Variants in FBN2 observed in about 807,000 individuals in gnomAD.
The protein encoded by FBN2 is fibrillin 2.
In FBN2, 105 loss-of-function variants were observed where a neutral mutation model predicts 355.6. The ratio of observed to expected loss-of-function variants is 0.30; its 90% CI spans 0.25 to 0.35. FBN2 has a LOEUF of 0.35. FBN2 is among the 10% of genes least tolerant of loss of function. FBN2 has a pLI of 1.00. For missense variants in FBN2, 3,280 were observed against 3,758.7 expected (o/e 0.87, Z 3.33); for synonymous variants, 1,350 against 1,301.2 (o/e 1.04, Z -0.81).
At chr5:128,344,587 A>G in intron 24 of FBN2, 77 bp from the exon 25 acceptor site, 1 of 1,398,952 alleles carries the variant, frequency 7.1e-7, no homozygotes, top group Non-Finnish European at 1.0e-6. Context: ...TTAAAAATCT[A>G]TCATGATGGA....
At chr5:128,296,081 T>G (rs1474373109) in intron 48 of FBN2, among the ~76,000 whole-genome samples, 2 of 152,240 alleles carry the variant, frequency 1.3e-5, no homozygotes, top group Non-Finnish European at 2.9e-5. Context: ...CTTTTCTGCA[T>G]CTTTTGAGAT....
chr5:128,452,725 T>G (rs7731176), intron 6 of FBN2, among the ~76,000 whole-genome samples: 16,602 of 152,116 alleles, frequency 0.11, 1,067 homozygotes, highest in African/African-American at 0.17. Flanking sequence ...TGAACTTGCT[T>G]TTTCTTTTCA....
chr5:128,374,540 G>T (rs1752030897), intron 15 of FBN2, 88 bp downstream of exon 15: 1 of 1,541,138 alleles, frequency 6.5e-7, no homozygotes, highest in Non-Finnish European at 9.0e-7. Flanking sequence ...TTCTTATGGT[G>T]AATATTACTC....
chr5:128,319,501 G>GTTAATTTAGTTAATTAAATAAAT (rs1750309344), intron 34 of FBN2, among the ~76,000 whole-genome samples: 3 of 93,086 alleles, frequency 3.2e-5, no homozygotes, highest in Non-Finnish European at 7.1e-5. Context: ...AATAAATTTA[G>GTTAATTTAGTTAATTAAATAAAT]TTAATTTAGT....
chr5:128,299,916 T>G (rs1224365125), intron 48 of FBN2, among the ~76,000 whole-genome samples: 2 of 84,302 alleles, frequency 2.4e-5, no homozygotes, highest in Non-Finnish European at 5.8e-5. Context: ...TTTTTAAGTA[T>G]TAAAAACACT....
At chr5:128,404,750 G>A (rs1177301701) in intron 8 of FBN2, among the ~76,000 whole-genome samples, 1 of 152,184 alleles carries the variant, frequency 6.6e-6, no homozygotes, top group Non-Finnish European at 1.5e-5. Flanking sequence ...TAACGCAGAA[G>A]TACCTGTGAC....
At chr5:128,311,504 T>C (rs956386466) in intron 38 of FBN2, 79 bp from the exon 39 acceptor site, 49 of 1,488,760 alleles carry the variant, frequency 3.3e-5, no homozygotes, top group Admixed American at 8.5e-5. Flanking sequence ...TTCAAAAGTG[T>C]GATCTTGTAA....
intron 5 of FBN2, among the ~76,000 whole-genome samples, chr5:128,498,083 C>G (rs1054505500): frequency 2.6e-5 from 4 of 152,260 alleles, no homozygotes; most frequent in African/African-American, 9.6e-5. Context: ...GTGTCAGACA[C>G]ATTACTGGGA....
At chr5:128,516,502 A>G (rs1756284690) in intron 5 of FBN2, among the ~76,000 whole-genome samples, 1 of 152,114 alleles carries the variant, frequency 6.6e-6, no homozygotes, top group African/African-American at 2.4e-5. Flanking sequence ...CATGCCAGCC[A>G]TTGGTTACTA....
intron 59 of FBN2, among the ~76,000 whole-genome samples, chr5:128,275,109 C>T (rs1346330775): frequency 6.6e-6 from 1 of 152,144 alleles, no homozygotes; most frequent in African/African-American, 2.4e-5. Flanking sequence ...AGAGTCTCCA[C>T]ATTCAGATGA....
chr5:128,491,688 TAAAGA>T (rs1427368888), intron 5 of FBN2, among the ~76,000 whole-genome samples: 1 of 152,104 alleles, frequency 6.6e-6, no homozygotes, highest in African/African-American at 2.4e-5. Context: ...ATGTTAAGCA[TAAAGA>T]GGAAAAATGC....
chr5:128,525,492 T>C (rs1756537898), intron 4 of FBN2, among the ~76,000 whole-genome samples: 1 of 152,178 alleles, frequency 6.6e-6, no homozygotes, highest in African/African-American at 2.4e-5. Flanking sequence ...ATCCATGGAA[T>C]GAGAAACTCT....
Position 128,288,514 on chromosome 5 carries a change from T to C in FBN2, c.6681A>G (p.Thr2227=), listed in dbSNP as rs145681607. Reference sequence around the variant, plus strand: ...CAAAACTCCCAATAACATTGGTGCATGTACCATTTCCACACGGATTGCCGA... The same window carrying C: ...CAAAACTCCCAATAACATTGGTGCACGTACCATTTCCACACGGATTGCCGA... ...CSIGNPCGNG[T]CTNVIGSFEC... Residue 2227 remains threonine (T), a synonymous_variant, in exon 53 of 65, where the codon ACA becomes ACG. Transcript: ENST00000262464. 2.4e-5 allele frequency: 39 copies of C among 1,613,924 alleles called. No homozygotes were observed. The African/African-American group carries it at 4.1e-4, about 17-fold the overall frequency.
At chr5:128,370,938 C>A (rs554052056) in intron 15 of FBN2, among the ~76,000 whole-genome samples, 1 of 152,242 alleles carries the variant, frequency 6.6e-6, no homozygotes, top group African/African-American at 2.4e-5. Flanking sequence ...ACAAGATGAT[C>A]TTACATAAAT....
intron 11 of FBN2, among the ~76,000 whole-genome samples, chr5:128,385,720 A>G (rs1338466747): frequency 1.3e-5 from 2 of 152,062 alleles, no homozygotes; most frequent in Non-Finnish European, 2.9e-5. Context: ...CTACTTTTTA[A>G]TAACAGCCAT....
chr5:128,333,839 T>TCACACACACACA lies in FBN2; in HGVS notation c.4100-817_4100-806dup, dbSNP rs368334500. ...CGATTACATATTATAGATGCTGAAA[T>TCACACACACACA]CACACACACACACACACACACACAC... is the stretch of plus-strand genomic sequence containing the variant. On this transcript the variant is annotated intron_variant, in intron 31 of 64. Transcript: ENST00000262464. 4.2e-3 allele frequency among the ~76,000 whole-genome samples: 511 copies of TCACACACACACA among 122,942 alleles called. 1 individual carries two copies. The highest frequency in any genetic ancestry group is 0.017 in the Middle Eastern group (4 of 232). The allele number at this position is 122,942 out of a possible 152,430, so 80.7% of individuals were successfully genotyped here. A position where few individuals can be genotyped will look rare whatever the true frequency, so the allele number is the denominator to read the frequency against.
intron 5 of FBN2, among the ~76,000 whole-genome samples, chr5:128,486,060 A>AC (rs1423841505): frequency 6.6e-6 from 1 of 152,174 alleles, no homozygotes; most frequent in African/African-American, 2.4e-5. Flanking sequence ...AACTGCAAAA[A>AC]AATCAGACAT....
At chr5:128,455,326 G>A (rs1165798537) in intron 6 of FBN2, among the ~76,000 whole-genome samples, 1 of 152,134 alleles carries the variant, frequency 6.6e-6, no homozygotes, top group Admixed American at 6.5e-5. Context: ...GTCCTTTAAT[G>A]TATAATAAAA....
At chr5:128,508,642 T>C (rs936856278) in intron 5 of FBN2, among the ~76,000 whole-genome samples, 3 of 152,062 alleles carry the variant, frequency 2.0e-5, no homozygotes, top group Non-Finnish European at 4.4e-5. Flanking sequence ...AAAAGTATTA[T>C]ATATTTACCC....
Sources: gnomAD v4.1 joint callset for allele counts (sites outside exome capture counted in the v4.1 genomes callset) on GRCh38, gnomAD v4.1.1 for gene constraint, MANE v1.5 for transcripts, NCBI Gene and HGNC (gene_info 2026-07-23, HGNC 2026-07-21) for gene names.